The following ZNF536 variants were observed in gnomAD, a reference collection of about 807,000 sequenced individuals.
ZNF536 encodes the protein zinc finger protein 536.
Under a neutral mutation model 84.5 loss-of-function variants are expected in ZNF536, and 13 were observed. That is an observed-to-expected ratio of 0.15 (90% confidence interval 0.10 to 0.24). ZNF536 has a LOEUF of 0.24. ZNF536 is among the 10% of genes least tolerant of loss of function. The pLI is 1.00. For synonymous variants in ZNF536, 811 were observed against 742.5 expected (o/e 1.09, Z -1.50); for missense variants, 1,536 against 1,747.5 (o/e 0.88, Z 2.16).
intron 3 of ZNF536, among the ~76,000 whole-genome samples, chr19:30,366,363 TCTATCTA>T (rs2048429973): frequency 3.4e-5 from 1 of 29,674 alleles, no homozygotes. Context: ...CTATCATATC[TCTATCTA>T]TCTATCTATC....
At chr19:30,289,213 C>T (rs1245025852) in intron 2 of ZNF536, among the ~76,000 whole-genome samples, 2 of 152,164 alleles carry the variant, frequency 1.3e-5, no homozygotes, top group African/African-American at 4.8e-5. Flanking sequence ...TTCTCCTCCA[C>T]CCCCTCACAA....
Position 30,545,509 on chromosome 19 carries a change from T to C in ZNF536, c.2324-2434T>C, listed in dbSNP as rs548295643. On this transcript the variant is annotated intron_variant, in intron 3 of 4. Transcript: ENST00000355537. ...GCCTCCCGGGTTTACGCCATTCTCCTGCCTCAGCCTCCCAAGTAGCTGGGA... is the reference window on the plus strand; with the variant it reads ...GCCTCCCGGGTTTACGCCATTCTCCCGCCTCAGCCTCCCAAGTAGCTGGGA... 2.1e-3 allele frequency among the ~76,000 whole-genome samples: 315 copies of C among 147,186 alleles called. 2 individuals carry two copies. The highest frequency in any genetic ancestry group is 4.1e-3 in the South Asian group (18 of 4,444).
chr19:30,623,040 G>GTTTTTTTTTTTTTTTTTTTTTTT (rs778168856), intron 1 of ZNF536, among the ~76,000 whole-genome samples: 6 of 99,282 alleles, frequency 6.0e-5, no homozygotes, highest in African/African-American at 1.9e-4. Flanking sequence ...TTGTTTTTTT[G>GTTTTTTTTTTTTTTTTTTTTTTT]TTTTTTTGTT....
chr19:30,704,024 G>C (rs999520879), intron 1 of ZNF536, among the ~76,000 whole-genome samples: 2 of 152,158 alleles, frequency 1.3e-5, no homozygotes, highest in Non-Finnish European at 2.9e-5. Flanking sequence ...TGCCCTGAAA[G>C]TAAAGCAAAG....
At chr19:30,673,424 C>T (rs879541397) in intron 1 of ZNF536, among the ~76,000 whole-genome samples, 11 of 152,170 alleles carry the variant, frequency 7.2e-5, no homozygotes, top group African/African-American at 2.7e-4. Context: ...CGCTGGGGTC[C>T]TGAACCCACT....
chr19:30,659,081 CTT>C (rs1359879284), intron 1 of ZNF536, among the ~76,000 whole-genome samples: 1 of 152,094 alleles, frequency 6.6e-6, no homozygotes, highest in Non-Finnish European at 1.5e-5. Flanking sequence ...TTCTTGAACT[CTT>C]TGGCAAAGCT....
Position 30,280,738 on chromosome 19 carries a change from C to T in ZNF536, c.-189-3334C>T, listed in dbSNP as rs114673301. 6.3e-3 allele frequency among the ~76,000 whole-genome samples: 967 copies of T among 152,348 alleles called. 9 individuals are homozygous for T. The highest frequency in any genetic ancestry group is 0.022 in the African/African-American group (927 of 41,578). ...TGGCCAATCACTCTCTCCCTCAGAG[C>T]CCATGGGTCTGAGTCGGGCAGGCTG... is the stretch of plus-strand genomic sequence containing the variant. On this transcript the variant is annotated intron_variant, in intron 1 of 5. Coordinates refer to the ZNF536 transcript ENST00000585628.
At chr19:30,575,437 C>T (rs1321716833) in intron 1 of ZNF536, among the ~76,000 whole-genome samples, 4 of 152,178 alleles carry the variant, frequency 2.6e-5, no homozygotes, top group South Asian at 2.1e-4. Context: ...TGATCCTGCC[C>T]GCCCAGGTGG....
Position 30,469,405 on chromosome 19 carries a change from C to T in ZNF536, c.2170+23673C>T, listed in dbSNP as rs551376055. Among the ~76,000 whole-genome samples, 1,060 of 152,002 alleles carry T rather than the reference C, an allele frequency of 7.0e-3. 12 individuals are homozygous for T. The highest frequency in any genetic ancestry group is 0.024 in the African/African-American group (998 of 41,450). ...CCAGCCTGGGCAACAGAGTGAGACT[C>T]CATCTCAAAAAAAAAGAGAGGAAGA... On this transcript the variant is annotated intron_variant, in intron 2 of 4. Transcript: ENST00000355537.
intron 1 of ZNF536, among the ~76,000 whole-genome samples, chr19:30,564,332 A>G (rs2046277119): frequency 6.6e-6 from 1 of 152,112 alleles, no homozygotes; most frequent in South Asian, 2.1e-4. Context: ...AAGGTAAGAG[A>G]GAAAACAAGT....
At chr19:30,605,166 CT>C (rs1568595755) in intron 1 of ZNF536, among the ~76,000 whole-genome samples, 1 of 152,000 alleles carries the variant, frequency 6.6e-6, no homozygotes, top group Non-Finnish European at 1.5e-5. Context: ...GTGCGAAATG[CT>C]TTTTTTGTTT....
intron 2 of ZNF536, among the ~76,000 whole-genome samples, chr19:30,320,473 C>G (rs1471189210): frequency 6.6e-6 from 1 of 152,104 alleles, no homozygotes; most frequent in East Asian, 1.9e-4. Context: ...TAGACTTCCT[C>G]AATTCTTTGT....
intron 3 of ZNF536, among the ~76,000 whole-genome samples, chr19:30,547,737 A>T (rs1422181527): frequency 1.3e-5 from 2 of 152,012 alleles, no homozygotes; most frequent in Non-Finnish European, 2.9e-5. Context: ...TGTAGATAGT[A>T]TGTCATTCCT....
intron 1 of ZNF536, among the ~76,000 whole-genome samples, chr19:30,606,252 T>TAAATA (rs1335593815): frequency 6.1e-5 from 4 of 65,984 alleles, no homozygotes; most frequent in Non-Finnish European, 8.8e-5. Flanking sequence ...TAAAATAAAA[T>TAAATA]AAATAAAATA....
chr19:30,496,333 T>C (rs913083911), intron 2 of ZNF536, among the ~76,000 whole-genome samples: 2 of 152,184 alleles, frequency 1.3e-5, no homozygotes, highest in Non-Finnish European at 2.9e-5. Flanking sequence ...TCCAGGAAGC[T>C]TTCCTTATTG....
chr19:30,394,795 G>A (rs2049746355), intron 1 of ZNF536, among the ~76,000 whole-genome samples: 2 of 152,156 alleles, frequency 1.3e-5, no homozygotes, highest in African/African-American at 4.8e-5. Context: ...TGCACACTGA[G>A]CTGAGCTCAA....
intron 2 of ZNF536, among the ~76,000 whole-genome samples, chr19:30,284,371 A>C (rs1001397558): frequency 1.3e-5 from 2 of 152,242 alleles, no homozygotes; most frequent in African/African-American, 4.8e-5. Flanking sequence ...GGCAAAGCCC[A>C]ACAAGGGTGA....
intron 1 of ZNF536, among the ~76,000 whole-genome samples, chr19:30,668,940 G>A (rs1451116781): frequency 6.6e-6 from 1 of 152,234 alleles, no homozygotes; most frequent in Non-Finnish European, 1.5e-5. Context: ...GGTTTAGAAG[G>A]GCCAGGCCAC....
At chr19:30,499,064 G>T (rs931858918) in intron 2 of ZNF536, among the ~76,000 whole-genome samples, 4 of 148,414 alleles carry the variant, frequency 2.7e-5, no homozygotes, top group African/African-American at 5.0e-5. Context: ...CATTGAAATA[G>T]AATTCTAATT....
Sources: allele counts gnomAD v4.1 joint callset (sites outside exome capture counted in the v4.1 genomes callset), GRCh38; gene constraint gnomAD v4.1.1; transcripts MANE v1.5; gene names NCBI Gene and HGNC (gene_info 2026-07-23, HGNC 2026-07-21).